Variants in TMTC1 observed in about 807,000 individuals in gnomAD.
TMTC1 encodes the protein transmembrane O-mannosyltransferase targeting cadherins 1, also known as protein O-mannosyl-transferase TMTC1.
In TMTC1, 73 loss-of-function variants were observed where a neutral mutation model predicts 104.8. The observed-to-expected ratio is 0.70, with a 90% CI of 0.58 to 0.85. The LOEUF is 0.85. Among genes scored for constraint, TMTC1 ranks in the 40% least tolerant of loss-of-function variants. The pLI is 0.00. For missense variants in TMTC1, 1,035 were observed against 1,096.1 expected (o/e 0.94, Z 0.79); for synonymous variants, 434 against 428.7 (o/e 1.01, Z -0.15).
At position 29,695,793 on chromosome 12, in the gene TMTC1, TTATATATA is replaced by T. The variant is rs113135039; in HGVS notation, c.938+55865_938+55872del. Among the ~76,000 whole-genome samples, 9 of 83,804 alleles carry T rather than the reference TTATATATA, an allele frequency of 1.1e-4. No homozygotes were observed. The South Asian group carries it at 1.1e-3, about 11-fold the overall frequency. The allele number at this position is 83,804 out of a possible 152,430, so 55.0% of individuals were successfully genotyped here. A position where few individuals can be genotyped will look rare whatever the true frequency, so the allele number is the denominator to read the frequency against. The stretch of plus-strand genomic sequence containing the variant: ...TCACAAATTTTAAACTACTTCCTTT[TTATATATA>T]TATATATATATATATATATATATAT... On this transcript the variant is annotated intron_variant, in intron 5 of 17. Coordinates refer to ENST00000539277, the MANE Select transcript of TMTC1 (RefSeq NM_001193451.2).
chr12:29,784,086 C>T (rs539780567), upstream of TMTC1, among the ~76,000 whole-genome samples: 357 of 151,358 alleles, frequency 2.4e-3, 1 homozygote, highest in African/African-American at 8.3e-3. Flanking sequence ...CCCGGCCCGC[C>T]TTGCTTGCAG....
chr12:29,693,735 T>C (rs1456785118), intron 5 of TMTC1, among the ~76,000 whole-genome samples: 1 of 152,196 alleles, frequency 6.6e-6, no homozygotes, highest in Non-Finnish European at 1.5e-5. Flanking sequence ...GTGATAAATA[T>C]TAGTATGACA....
intron 1 of TMTC1, among the ~76,000 whole-genome samples, chr12:29,778,648 T>C (rs1169311470): frequency 6.6e-6 from 1 of 152,268 alleles, no homozygotes; most frequent in Admixed American, 6.5e-5. Context: ...GGCATGATCT[T>C]ATGAAAAGAC....
At chr12:29,556,832 G>A in intron 10 of TMTC1, 25 bp downstream of exon 10, 1 of 1,613,268 alleles carries the variant, frequency 6.2e-7, no homozygotes, top group Middle Eastern at 1.7e-4. Flanking sequence ...AAGGCCACCT[G>A]ATCGATGGTA....
intron 5 of TMTC1, among the ~76,000 whole-genome samples, chr12:29,643,838 T>C (rs1450399736): frequency 1.3e-5 from 1 of 79,790 alleles, no homozygotes; most frequent in Non-Finnish European, 2.2e-5. Flanking sequence ...TTTATATATA[T>C]TTATATATTT....
intron 5 of TMTC1, among the ~76,000 whole-genome samples, chr12:29,666,947 CA>C (rs1332784618): frequency 6.6e-6 from 1 of 152,008 alleles, no homozygotes; most frequent in Non-Finnish European, 1.5e-5. Context: ...ATATTCAGAT[CA>C]AAAAAATGTT....
chr12:29,653,304 C>T (rs1313123152), intron 5 of TMTC1, among the ~76,000 whole-genome samples: 2 of 151,918 alleles, frequency 1.3e-5, no homozygotes, highest in Admixed American at 6.6e-5. Flanking sequence ...ACCGTGAGGG[C>T]CTTCAGGAAG....
At chr12:29,703,065 G>A (rs1164019308) in intron 5 of TMTC1, among the ~76,000 whole-genome samples, 1 of 151,348 alleles carries the variant, frequency 6.6e-6, no homozygotes, top group Non-Finnish European at 1.5e-5. Flanking sequence ...AATTGCTTGA[G>A]CCCAGGAGGC....
chr12:29,691,477 G>A, intron 5 of TMTC1, among the ~76,000 whole-genome samples: 1 of 109,014 alleles, frequency 9.2e-6, no homozygotes, highest in Non-Finnish European at 2.0e-5. Flanking sequence ...CTGGCTCTGT[G>A]TGAATTACTC....
At chr12:29,733,102 C>T (rs1942586376) in intron 5 of TMTC1, among the ~76,000 whole-genome samples, 1 of 152,154 alleles carries the variant, frequency 6.6e-6, no homozygotes, top group Non-Finnish European at 1.5e-5. Flanking sequence ...TTTCTCTGAA[C>T]TCAATTTTCT....
chr12:29,587,264 G>T (rs1946162729), intron 7 of TMTC1, among the ~76,000 whole-genome samples: 1 of 152,062 alleles, frequency 6.6e-6, no homozygotes, highest in Non-Finnish European at 1.5e-5. Flanking sequence ...TTGTATTTCT[G>T]TGAGATCGGT....
chr12:29,734,093 G>C (rs948422995), intron 5 of TMTC1, among the ~76,000 whole-genome samples: 4 of 152,186 alleles, frequency 2.6e-5, no homozygotes, highest in African/African-American at 7.2e-5. Flanking sequence ...CCCAGGTACA[G>C]AATGTGTCCT....
intron 5 of TMTC1, among the ~76,000 whole-genome samples, chr12:29,716,514 ATAAT>A (rs1304655476): frequency 1.3e-5 from 2 of 152,186 alleles, no homozygotes; most frequent in African/African-American, 2.4e-5. Context: ...AAAAATATTC[ATAAT>A]TAATACAGAA....
At chr12:29,650,135 G>A (rs1939447851) in intron 5 of TMTC1, among the ~76,000 whole-genome samples, 1 of 149,430 alleles carries the variant, frequency 6.7e-6, no homozygotes, top group Non-Finnish European at 1.5e-5. Context: ...CCAGGCTGAA[G>A]TGCAGTGGCA....
chr12:29,656,037 G>C (rs79836780), intron 5 of TMTC1, among the ~76,000 whole-genome samples: 5,753 of 152,126 alleles, frequency 0.038, 161 homozygotes, highest in Admixed American at 0.066. Context: ...GCAAGCCCCT[G>C]GTTACTCACA....
chr12:29,648,034 C>T (rs1200582841), intron 5 of TMTC1, among the ~76,000 whole-genome samples: 2 of 152,178 alleles, frequency 1.3e-5, no homozygotes, highest in Admixed American at 6.5e-5. Flanking sequence ...TGTTTTTATC[C>T]TTAATCCCAG....
At chr12:29,587,267 A>G (rs567521686) in intron 7 of TMTC1, among the ~76,000 whole-genome samples, 18 of 151,756 alleles carry the variant, frequency 1.2e-4, no homozygotes, top group Non-Finnish European at 2.1e-4. Context: ...TATTTCTGTG[A>G]GATCGGTGGT....
chr12:29,680,279 C>T (rs956358781), intron 5 of TMTC1, among the ~76,000 whole-genome samples: 7 of 152,100 alleles, frequency 4.6e-5, no homozygotes, highest in Admixed American at 2.6e-4. Flanking sequence ...CTGAAAAAGC[C>T]TAGAAACAGT....
At chr12:29,585,599 T>C (rs780761926) in intron 7 of TMTC1, among the ~76,000 whole-genome samples, 1 of 152,186 alleles carries the variant, frequency 6.6e-6, no homozygotes, top group Non-Finnish European at 1.5e-5. Context: ...CTTTAATCCA[T>C]CTTGAATTAA....
Sources: allele counts gnomAD v4.1 joint callset (sites outside exome capture counted in the v4.1 genomes callset), GRCh38; gene constraint gnomAD v4.1.1; transcripts MANE v1.5; gene names NCBI Gene and HGNC (gene_info 2026-07-23, HGNC 2026-07-21).